The following LRP1B variants were observed in gnomAD, a reference collection of about 807,000 sequenced individuals.
LRP1B encodes the protein low-density lipoprotein receptor-related protein 1B.
In LRP1B, 217 loss-of-function variants were observed where a neutral mutation model predicts 556.6. The ratio of observed to expected loss-of-function variants is 0.39; its 90% CI spans 0.35 to 0.44. LRP1B has a LOEUF of 0.44. Among genes scored for constraint, LRP1B ranks in the 20% least tolerant of loss-of-function variants. The pLI is 1.00. For synonymous variants in LRP1B, 2,047 were observed against 1,865.8 expected (o/e 1.10, Z -2.50); for missense variants, 5,053 against 5,620.8 (o/e 0.90, Z 3.23).
At chr2:141,761,015 A>G (rs1046123550) in intron 2 of LRP1B, among the ~76,000 whole-genome samples, 1 of 152,138 alleles carries the variant, frequency 6.6e-6, no homozygotes, top group Non-Finnish European at 1.5e-5. Flanking sequence ...TATTTTATTT[A>G]CGGAGTATGG....
At chr2:141,004,104 C>G (rs1006950512) in intron 15 of LRP1B, among the ~76,000 whole-genome samples, 1 of 151,812 alleles carries the variant, frequency 6.6e-6, no homozygotes, top group Non-Finnish European at 1.5e-5. Context: ...TACACTTATC[C>G]CTCCTCTCTC....
rs373752807 is a variant in LRP1B, at chr2:141,547,280, C to A, written c.206-66747G>T. 9.2e-5 allele frequency among the ~76,000 whole-genome samples: 14 copies of A among 152,288 alleles called. No individual in the cohort carries two copies. The East Asian group carries it at 2.7e-3, about 29-fold the overall frequency. On this transcript the variant is annotated intron_variant, in intron 2 of 90. Coordinates refer to ENST00000389484, the MANE Select transcript of LRP1B (RefSeq NM_018557.3). ...CTAATGTCTGTCAGATCAATATCATCCTTACATCCTAATTTCCAATGCTTT... is the reference window on the plus strand; with the variant it reads ...CTAATGTCTGTCAGATCAATATCATACTTACATCCTAATTTCCAATGCTTT...
At chr2:141,906,022 GTGTC>G (rs1558952502) in intron 1 of LRP1B, among the ~76,000 whole-genome samples, 3 of 146,988 alleles carry the variant, frequency 2.0e-5, no homozygotes, top group African/African-American at 5.2e-5. Context: ...GTGTGTGTGT[GTGTC>G]TGTGTGTATA....
chr2:141,504,594 C>A (rs2105139177), intron 2 of LRP1B, among the ~76,000 whole-genome samples: 1 of 152,022 alleles, frequency 6.6e-6, no homozygotes, highest in African/African-American at 2.4e-5. Flanking sequence ...AACACATTAC[C>A]AGATGGAAGA....
chr2:140,416,839 A>G lies in LRP1B; in HGVS notation c.10414+25665T>C, dbSNP rs138689540. On this transcript the variant is annotated intron_variant, in intron 66 of 90. Coordinates refer to ENST00000389484, the MANE Select transcript of LRP1B (RefSeq NM_018557.3). Reference sequence around the variant, plus strand: ...ATTATTTTATTTACCACATCCATCCATGCCTCTTGCCCACACTGCACACTT... The same window carrying G: ...ATTATTTTATTTACCACATCCATCCGTGCCTCTTGCCCACACTGCACACTT... Among the ~76,000 whole-genome samples the G allele has an allele frequency of 1.7e-4, 26 of 152,262 alleles. No homozygotes were observed. In the East Asian group the frequency reaches 4.8e-3, roughly 28 times the overall value.
At position 141,239,857 on chromosome 2, in the gene LRP1B, T is replaced by G. The variant is rs917553074; in HGVS notation, c.592+7369A>C. The stretch of plus-strand genomic sequence containing the variant: ...AAGGTCATTTAATATATTTCACTGT[T>G]GTCTGACAAGGATTTAAATATAAAA... On this transcript the variant is annotated intron_variant, in intron 5 of 90. Coordinates refer to ENST00000389484, the MANE Select transcript of LRP1B (RefSeq NM_018557.3). Among the ~76,000 whole-genome samples the G allele has an allele frequency of 3.9e-5, 6 of 152,050 alleles. No homozygotes were observed. In the East Asian group the frequency reaches 5.8e-4, roughly 15 times the overall value.
intron 6 of LRP1B, among the ~76,000 whole-genome samples, chr2:141,219,604 G>A (rs7558514): frequency 0.59 from 89,457 of 151,952 alleles, 27,319 homozygotes; most frequent in East Asian, 0.92. Context: ...TGTTACACAG[G>A]CTTCTGATCA....
chr2:141,977,995 CA>C (rs1420695255), intron 1 of LRP1B, among the ~76,000 whole-genome samples: 1 of 152,050 alleles, frequency 6.6e-6, no homozygotes, highest in African/African-American at 2.4e-5. Flanking sequence ...GTGAGAAATA[CA>C]GCATACATTT....
intron 11 of LRP1B, among the ~76,000 whole-genome samples, chr2:141,026,291 CTTT>C (rs565959082): frequency 1.7e-3 from 259 of 152,130 alleles, no homozygotes; most frequent in African/African-American, 6.1e-3. Context: ...CAGAAGTTGA[CTTT>C]TTATTAGCTA....
At chr2:140,477,185 C>T (rs1364172419) in intron 59 of LRP1B, among the ~76,000 whole-genome samples, 1 of 151,852 alleles carries the variant, frequency 6.6e-6, no homozygotes, top group Non-Finnish European at 1.5e-5. Flanking sequence ...GATAGTTTAC[C>T]TTGTTGAAAT....
At chr2:141,462,048 C>A (rs906284593) in intron 3 of LRP1B, among the ~76,000 whole-genome samples, 2 of 152,190 alleles carry the variant, frequency 1.3e-5, no homozygotes, top group East Asian at 3.9e-4. Flanking sequence ...GTCTCCAGAA[C>A]CAATTTGTCA....
chr2:141,551,386 T>C (rs1685745390), intron 2 of LRP1B, among the ~76,000 whole-genome samples: 3 of 152,042 alleles, frequency 2.0e-5, no homozygotes, highest in African/African-American at 7.2e-5. Flanking sequence ...CAGGGAACGT[T>C]GTTATTATGA....
chr2:140,765,684 C>T (rs879846496), intron 35 of LRP1B, among the ~76,000 whole-genome samples: 4 of 151,922 alleles, frequency 2.6e-5, no homozygotes, highest in Non-Finnish European at 5.9e-5. Context: ...GTAGAAAAAA[C>T]AATTTGTTCA....
At chr2:141,653,868 T>C (rs936102916) in intron 2 of LRP1B, among the ~76,000 whole-genome samples, 2 of 152,210 alleles carry the variant, frequency 1.3e-5, no homozygotes, top group African/African-American at 4.8e-5. Context: ...TTTTTTCTTT[T>C]ATAAAAATGG....
chr2:141,205,319 G>C (rs375544876), intron 6 of LRP1B, among the ~76,000 whole-genome samples: 1 of 152,138 alleles, frequency 6.6e-6, no homozygotes, highest in East Asian at 1.9e-4. Context: ...TGAGATGATT[G>C]AACTTGAGTT....
intron 41 of LRP1B, among the ~76,000 whole-genome samples, chr2:140,697,889 C>T (rs922503986): frequency 6.6e-6 from 1 of 151,826 alleles, no homozygotes; most frequent in African/African-American, 2.4e-5. Flanking sequence ...GTAATAAAAG[C>T]CACTGAATTG....
chr2:141,854,185 T>C (rs1388430404), intron 1 of LRP1B, among the ~76,000 whole-genome samples: 1 of 152,002 alleles, frequency 6.6e-6, no homozygotes, highest in African/African-American at 2.4e-5. Context: ...ATTTATAATA[T>C]AAACATGGAA....
chr2:141,786,439 C>G (rs1015300253), intron 2 of LRP1B, among the ~76,000 whole-genome samples: 2 of 151,830 alleles, frequency 1.3e-5, no homozygotes, highest in Non-Finnish European at 2.9e-5. Flanking sequence ...AAGCCGAAAA[C>G]CAATTTGAAT....
Position 141,810,129 on chromosome 2 carries a change from GAA to G in LRP1B, c.205+148_205+149del, listed in dbSNP as rs1558890906. 97 of 387,218 alleles carry G rather than the reference GAA, an allele frequency of 2.5e-4. 1 individual carries two copies. The South Asian group carries it at 2.8e-3, about 11-fold the overall frequency. The allele number at this position is 387,218 out of a possible 1,614,324, so 24.0% of individuals were successfully genotyped here. A position where few individuals can be genotyped will look rare whatever the true frequency, so the allele number is the denominator to read the frequency against. On this transcript the variant is annotated intron_variant, in intron 2 of 90. Coordinates refer to ENST00000389484, the MANE Select transcript of LRP1B (RefSeq NM_018557.3). Reference sequence around the variant, plus strand: ...AAAGAAAGAAAAAGAAAGAAAGAAAGAAAGAAAGAAAGAAAGAAAGAAAGAAA... The same window carrying G: ...AAAGAAAGAAAAAGAAAGAAAGAAAGAGAAAGAAAGAAAGAAAGAAAGAAA...
Sources: allele counts gnomAD v4.1 joint callset (sites outside exome capture counted in the v4.1 genomes callset), GRCh38; gene constraint gnomAD v4.1.1; transcripts MANE v1.5; gene names NCBI Gene and HGNC (gene_info 2026-07-23, HGNC 2026-07-21).